Variants in ANKS1B observed in about 807,000 individuals in gnomAD.
The protein encoded by ANKS1B is ankyrin repeat and sterile alpha motif domain containing 1B, also known as ankyrin repeat and sterile alpha motif domain-containing protein 1B.
In ANKS1B, 36 loss-of-function variants were observed where a neutral mutation model predicts 148.3. The observed-to-expected ratio is 0.24, with a 90% CI of 0.19 to 0.32. The LOEUF is 0.32. Ranked by LOEUF, ANKS1B falls within the 10% of genes least tolerant of loss-of-function variation. ANKS1B has a pLI of 1.00. For missense variants in ANKS1B, 1,157 were observed against 1,542.6 expected (o/e 0.75, Z 4.19); for synonymous variants, 542 against 560.8 (o/e 0.97, Z 0.47).
intron 12 of ANKS1B, among the ~76,000 whole-genome samples, chr12:99,386,845 C>T (rs369208800): frequency 6.6e-6 from 1 of 152,212 alleles, no homozygotes; most frequent in Non-Finnish European, 1.5e-5. Context: ...TAGGCTCATG[C>T]TTCCGAAGAA....
intron 8 of ANKS1B, among the ~76,000 whole-genome samples, chr12:99,690,463 C>G (rs141009147): frequency 6.6e-6 from 1 of 152,098 alleles, no homozygotes; most frequent in Non-Finnish European, 1.5e-5. Flanking sequence ...CCTGTAAAAT[C>G]GAAAGCAAGT....
chr12:99,929,732 C>G (rs1319789096), intron 1 of ANKS1B, among the ~76,000 whole-genome samples: 1 of 152,140 alleles, frequency 6.6e-6, no homozygotes, highest in East Asian at 1.9e-4. Context: ...CCAGTTTTCC[C>G]AACACCATTT....
intron 1 of ANKS1B, among the ~76,000 whole-genome samples, chr12:99,876,153 T>C (rs144554273): frequency 2.0e-5 from 3 of 152,148 alleles, no homozygotes; most frequent in Non-Finnish European, 2.9e-5. Flanking sequence ...CATTCAACTT[T>C]TACGTGATAT....
At position 99,632,767 on chromosome 12, in the gene ANKS1B, A is replaced by ATATATATATTTT. The variant is rs1441486862; in HGVS notation, c.1272+22299_1272+22300insAAAATATATATA. Among the ~76,000 whole-genome samples the ATATATATATTTT allele has an allele frequency of 7.3e-4, 52 of 71,310 alleles. 1 individual carries two copies. The highest frequency in any genetic ancestry group is 2.4e-3 in the East Asian group (6 of 2,542). The allele number at this position is 71,310 out of a possible 152,430, so 46.8% of individuals were successfully genotyped here. A position where few individuals can be genotyped will look rare whatever the true frequency, so the allele number is the denominator to read the frequency against. ...TATATATATATATATATATATATAT[A>ATATATATATTTT]TTTTAATTATACTTTAAGTTCTAGG... On this transcript the variant is annotated intron_variant, in intron 9 of 26. Coordinates refer to ENST00000683438, the MANE Select transcript of ANKS1B (RefSeq NM_001352186.2).
rs577359841 is a variant in ANKS1B at position 99,288,300 on chromosome 12, G to C, written c.1757-41436C>G. ...GATGACTGAAAATGCTTTTATCCTA[G>C]AATAACATAGGTGAAAATATCCTTC... On this transcript the variant is annotated intron_variant, in intron 12 of 26. Coordinates refer to ENST00000683438, the MANE Select transcript of ANKS1B (RefSeq NM_001352186.2). Among the ~76,000 whole-genome samples the C allele has an allele frequency of 6.6e-5, 10 of 152,066 alleles. No individual in the cohort carries two copies. The South Asian group carries it at 2.1e-3, about 32-fold the overall frequency.
chr12:99,588,473 G>A (rs1331030191), intron 9 of ANKS1B, among the ~76,000 whole-genome samples: 1 of 151,334 alleles, frequency 6.6e-6, no homozygotes, highest in Non-Finnish European at 1.5e-5. Context: ...CTGGAGTGCA[G>A]TGGTGCCATC....
chr12:99,868,355 A>AT (rs1433837175), intron 1 of ANKS1B, among the ~76,000 whole-genome samples: 5 of 152,194 alleles, frequency 3.3e-5, no homozygotes, highest in African/African-American at 1.2e-4. Context: ...TACTTCAACA[A>AT]TAAAAAAACC....
intron 17 of ANKS1B, among the ~76,000 whole-genome samples, chr12:98,859,096 C>T (rs4762516): frequency 6.6e-6 from 1 of 151,820 alleles, no homozygotes; most frequent in East Asian, 1.9e-4. Context: ...GACATTCTTG[C>T]CCTTGTGAAC....
chr12:99,983,907 A>G (rs2153869578), intron 1 of ANKS1B, among the ~76,000 whole-genome samples, 197 bp downstream of exon 1: 1 of 152,272 alleles, frequency 6.6e-6, no homozygotes, highest in South Asian at 2.1e-4. Context: ...GCTATTTTAA[A>G]ATTACTCAAA....
intron 9 of ANKS1B, among the ~76,000 whole-genome samples, chr12:99,508,255 A>T (rs1257658243): frequency 1.3e-5 from 2 of 151,772 alleles, no homozygotes; most frequent in Non-Finnish European, 2.9e-5. Context: ...ATTTAGGATA[A>T]TGTTATTATA....
Position 99,984,221 on chromosome 12 carries a change from T to A in ANKS1B, c.17A>T (p.Glu6Val). Reference protein sequence around the residue: MGKDQELLEAARTGNV... With the variant: MGKDQVLLEAARTGNV... ...TCCAGTGCGAGCAGCTTCCAGCAGC[T>A]CCTGGTCCTTCCCCATAGTCTCTCA... Residue 6 changes from glutamate (E) to valine (V), a missense_variant, in exon 1 of 27, where the codon GAG (glutamate) becomes GTG (valine). Glu to Val is a moderately radical substitution (Grantham distance 121). Around this residue, in one of 6 missense-constraint regions of ANKS1B, gnomAD observed 164 missense variants for 232.6 expected, o/e 0.71. Coordinates refer to ENST00000683438, the MANE Select transcript of ANKS1B (RefSeq NM_001352186.2). The A allele has an allele frequency of 6.2e-7, 1 of 1,613,484 alleles. No individual in the cohort carries two copies. Among genetic ancestry groups the A allele is most frequent in the Non-Finnish European group, 8.5e-7 (1 of 1,179,634 alleles).
chr12:98,938,302 T>A (rs577250122), intron 17 of ANKS1B, among the ~76,000 whole-genome samples: 1 of 152,344 alleles, frequency 6.6e-6, no homozygotes, highest in East Asian at 1.9e-4. Context: ...AATATCTTTA[T>A]TAAAAATCTT....
intron 25 of ANKS1B, among the ~76,000 whole-genome samples, chr12:98,764,065 G>A (rs987845268): frequency 1.3e-5 from 2 of 152,208 alleles, no homozygotes; most frequent in African/African-American, 2.4e-5. Context: ...CACCCATCCA[G>A]AGGGACTGGC....
chr12:99,857,659 A>G (rs1438819196), intron 1 of ANKS1B, among the ~76,000 whole-genome samples: 1 of 152,224 alleles, frequency 6.6e-6, no homozygotes, highest in East Asian at 1.9e-4. Context: ...ATAGTCACCA[A>G]AACAACATAG....
intron 1 of ANKS1B, among the ~76,000 whole-genome samples, chr12:99,853,512 A>G (rs569058782): frequency 1.3e-5 from 2 of 152,294 alleles, no homozygotes; most frequent in East Asian, 3.9e-4. Flanking sequence ...GCTCTCAGGA[A>G]TCCCCATCAC....
At chr12:99,619,418 C>T (rs1567492456) in intron 9 of ANKS1B, among the ~76,000 whole-genome samples, 1 of 152,020 alleles carries the variant, frequency 6.6e-6, no homozygotes, top group Non-Finnish European at 1.5e-5. Context: ...GCCTGAGACA[C>T]CCTAGTCTTC....
rs115805879 is a variant in ANKS1B, at chr12:99,862,791, G to A, written c.135-37402C>T. The stretch of plus-strand genomic sequence containing the variant: ...TTGTACCATGAGACACTTTTACTGC[G>A]AGCAGTAAGTATGAGAATGCAAAAT... On this transcript the variant is annotated intron_variant, in intron 1 of 26. Transcript: ENST00000683438. Among the ~76,000 whole-genome samples, 1,211 of 152,082 alleles carry A rather than the reference G, an allele frequency of 8.0e-3. 14 individuals are homozygous for A. The highest frequency in any genetic ancestry group is 0.027 in the African/African-American group (1,140 of 41,458).
At chr12:98,943,240 G>A (rs543717045) in intron 17 of ANKS1B, among the ~76,000 whole-genome samples, 1 of 152,312 alleles carries the variant, frequency 6.6e-6, no homozygotes, top group South Asian at 2.1e-4. Flanking sequence ...ATCTTGTTCA[G>A]CCTTTAATCT....
At chr12:99,439,261 A>T (rs1008711668) in intron 11 of ANKS1B, among the ~76,000 whole-genome samples, 1 of 151,710 alleles carries the variant, frequency 6.6e-6, no homozygotes, top group Non-Finnish European at 1.5e-5. Context: ...AACCTGGGAC[A>T]AGTCACAAAA....
Sources: allele counts gnomAD v4.1 joint callset (sites outside exome capture counted in the v4.1 genomes callset), GRCh38; gene constraint gnomAD v4.1.1; regional missense constraint gnomAD v4.1.1; transcripts MANE v1.5; gene names NCBI Gene and HGNC (gene_info 2026-07-23, HGNC 2026-07-21).